The following THBS3 variants were observed in gnomAD, a reference collection of about 807,000 sequenced individuals.
THBS3 encodes the protein thrombospondin 3.
THBS3 carries 78 observed loss-of-function variants against 118.3 expected under a neutral mutation model. The ratio of observed to expected loss-of-function variants is 0.66; its 90% confidence interval spans 0.55 to 0.80. THBS3 has a LOEUF of 0.80. Among genes scored for constraint, THBS3 ranks in the 30% least tolerant of loss-of-function variants. The probability of loss-of-function intolerance (pLI) is 0.00; values close to 1 mark genes in which losing one functional copy is unlikely to be tolerated. For synonymous variants in THBS3, 427 were observed against 475.3 expected, an observed-to-expected ratio of 0.90 and a Z score of 1.32; for missense variants, 1,057 against 1,247.4, an observed-to-expected ratio of 0.85 and a Z score of 2.30.
intron 1 of THBS3, among the ~76,000 whole-genome samples, chr1:155,207,508 A>G (rs1021872483): frequency 6.6e-6 from 1 of 151,594 alleles, no homozygotes. Flanking sequence ...TAGGGTGCCT[A>G]CAGATGCTCA....
chr1:155,200,523 G>A lies in THBS3; in HGVS notation c.1636C>T (p.Pro546Ser). The A allele has an allele frequency of 6.2e-7, 1 of 1,614,102 alleles. No homozygotes were observed. Among genetic ancestry groups the A allele is most frequent in the South Asian group, 1.1e-5 (1 of 91,086 alleles). ...GDACDNCPNVPNNDQKDTDGN... is the reference protein window; with the variant it reads ...GDACDNCPNVSNNDQKDTDGN... ...TCTGTGTCCTTCTGGTCATTGTTGGGAACGTTGGGGCAATTGTCACAGGCA... is the reference window on the plus strand; with the variant it reads ...TCTGTGTCCTTCTGGTCATTGTTGGAAACGTTGGGGCAATTGTCACAGGCA... The change falls in exon 14 of 23, where the codon CCC becomes TCC. Residue 546 changes from proline (P) to serine (S), a missense_variant. Pro to Ser is a moderately conservative substitution (Grantham distance 74). Transcript: ENST00000368378.
chr1:155,204,188 G>A (rs1670212432), intron 4 of THBS3, among the ~76,000 whole-genome samples: 1 of 152,042 alleles, frequency 6.6e-6, no homozygotes, highest in South Asian at 2.1e-4. Context: ...GGGAAAGGTG[G>A]GTCTTTTATT....
Position 155,201,540 on chromosome 1 carries a change from C to T in THBS3, c.1206G>A (p.Leu402=), listed in dbSNP as rs372591301. The T allele has an allele frequency of 1.9e-5, 30 of 1,614,144 alleles. No individual in the cohort carries two copies. The African/African-American group carries it at 2.7e-4, about 14-fold the overall frequency. The change falls in exon 11 of 23, where the codon CTG becomes CTA. Residue 402 remains leucine (L), a synonymous_variant. Transcript: ENST00000368378. ...CCTGGCTCTGGTTGCCCAGGAAACC[C>T]AGGCGGCAGGGACCACACTTGAAAG... ...VGSFKCGPCR[L]GFLGNQSQGC...
chr1:155,197,286 C>CAGGTGGGAAAGGGATTCA lies in THBS3; in HGVS notation c.2500-91_2500-74dup. ...AGGGGAGACAACAGGTCGGTAAGTG[C>CAGGTGGGAAAGGGATTCA]AGGTGGGAAAGGGATTCAAGGCGGT... On this transcript the variant is annotated intron_variant, in intron 20 of 22. Transcript: ENST00000368378. The surrounding 1 kb of genome is among the most constrained non-coding windows in gnomAD (Gnocchi z 5.0). 1 of 1,577,524 alleles carries CAGGTGGGAAAGGGATTCA rather than the reference C, an allele frequency of 6.3e-7. No homozygotes were observed. Among genetic ancestry groups the CAGGTGGGAAAGGGATTCA allele is most frequent in the Admixed American group, 1.7e-5 (1 of 58,892 alleles).
chr1:155,208,993 T>C (rs1293359305), upstream of THBS3: 1 of 1,599,164 alleles, frequency 6.3e-7, no homozygotes, highest in Non-Finnish European at 8.5e-7. Context: ...GCCGTGACTC[T>C]CCGAGGCGCG....
chr1:155,197,958 G>C lies in THBS3; in HGVS notation c.2254-30C>G. ...GGTTGTATAGTAAAGAAAAAGCTGTGATGCAGGTGTGCTATCCCTCCCAGG... is the reference window on the plus strand; with the variant it reads ...GGTTGTATAGTAAAGAAAAAGCTGTCATGCAGGTGTGCTATCCCTCCCAGG... On this transcript the variant is annotated intron_variant, in intron 18 of 22. Coordinates refer to ENST00000368378, the MANE Select transcript of THBS3 (RefSeq NM_007112.5). The surrounding 1 kb of genome is among the most constrained non-coding windows in gnomAD (Gnocchi z 5.0). The C allele has an allele frequency of 6.2e-7, 1 of 1,614,144 alleles. No individual in the cohort carries two copies. Among genetic ancestry groups the C allele is most frequent in the Non-Finnish European group, 8.5e-7 (1 of 1,180,026 alleles).
chr1:155,201,439 C>T lies in THBS3; in HGVS notation c.1307G>A (p.Arg436His), dbSNP rs147720217. Residue 436 changes from arginine (R) to histidine (H), a missense_variant, in exon 11 of 23, where the codon CGC (arginine) becomes CAC (histidine). Arg to His is a conservative substitution (Grantham distance 29). Around this residue, in one of 3 missense-constraint regions of THBS3, gnomAD observed 544 missense variants for 715.6 expected, o/e 0.76. Transcript: ENST00000368378. ...CHIHAHCLFE[R>H]NGAVSCQCNV... ...CACCTGGCAGGACACTGCACCATTG[C>T]GTTCAAAGAGACAGTGAGCATGGAT... is the stretch of plus-strand genomic sequence containing the variant. 71 of 1,609,876 alleles carry T rather than the reference C, an allele frequency of 4.4e-5. No homozygotes were observed. Among genetic ancestry groups the T allele is most frequent in the Admixed American group, 2.4e-4 (14 of 59,516 alleles).
chr1:155,200,618 G>A lies in THBS3; in HGVS notation c.1549-8C>T. On this transcript the variant is annotated splice_region_variant and splice_polypyrimidine_tract_variant and intron_variant, in intron 13 of 22. Transcript: ENST00000368378. ...GAACAGCCGGCAGTTGTCCTGGGCA[G>A]AGGGGTGGGAGGGGAAGGGTCAGGT... The A allele has an allele frequency of 6.2e-7, 1 of 1,613,266 alleles. No individual in the cohort carries two copies. Among genetic ancestry groups the A allele is most frequent in the Non-Finnish European group, 8.5e-7 (1 of 1,179,410 alleles).
At chr1:155,199,069 G>A (rs888405851) in intron 16 of THBS3, among the ~76,000 whole-genome samples, 10 of 149,524 alleles carry the variant, frequency 6.7e-5, no homozygotes, top group Non-Finnish European at 1.5e-4. Context: ...GCAGTGAGCC[G>A]ATATCACTGC....
chr1:155,201,544 C>T lies in THBS3; in HGVS notation c.1202G>A (p.Arg401His), dbSNP rs751959993. 7.5e-5 allele frequency: 121 copies of T among 1,613,920 alleles called. No homozygotes were observed. The highest frequency in any genetic ancestry group is 1.1e-4 in the East Asian group (5 of 44,898). ...TVGSFKCGPC[R>H]LGFLGNQSQG... is the part of the protein sequence containing the mutation. ...GCTCTGGTTGCCCAGGAAACCCAGGCGGCAGGGACCACACTTGAAAGAGCC... is the reference window on the plus strand; with the variant it reads ...GCTCTGGTTGCCCAGGAAACCCAGGTGGCAGGGACCACACTTGAAAGAGCC... Residue 401 changes from arginine (R) to histidine (H), a missense_variant, in exon 11 of 23, where the codon CGC becomes CAC. Arg to His is a conservative substitution (Grantham distance 29, BLOSUM62 0). Coordinates refer to ENST00000368378, the MANE Select transcript of THBS3 (RefSeq NM_007112.5).
rs72704117 is a variant in THBS3 at position 155,205,298 on chromosome 1, C to T, written c.305G>A (p.Arg102Gln). The T allele has an allele frequency of 0.017, 27,780 of 1,613,934 alleles. 299 individuals carry two copies. Among genetic ancestry groups the T allele is most frequent in the Non-Finnish European group, 0.021 (25,193 of 1,179,994 alleles). ...KINKVLVRYQREDGKVHAVNL... is the reference protein window; with the variant it reads ...KINKVLVRYQQEDGKVHAVNL... Reference sequence around the variant, plus strand: ...CACGGCGTGGACTTTGCCATCCTCCCGCTGGTATCGCACCAGTACTGCCCA... The same window carrying T: ...CACGGCGTGGACTTTGCCATCCTCCTGCTGGTATCGCACCAGTACTGCCCA... The change falls in exon 3 of 23, where the codon CGG (arginine) becomes CAG (glutamine). Residue 102 changes from arginine to glutamine, a missense_variant. By Grantham distance (43) the Arg-to-Gln change is conservative (BLOSUM62 1). Around this residue, in one of 3 missense-constraint regions of THBS3, gnomAD observed 206 missense variants for 205.7 expected, o/e 1.00. Coordinates refer to ENST00000368378, the MANE Select transcript of THBS3 (RefSeq NM_007112.5).
chr1:155,204,407 T>C lies in THBS3; in HGVS notation c.646+448A>G, dbSNP rs1360391792. ...GTGTTTGAGACCAGCCTGGCCAACG[T>C]GGTGAAATCCCATCTCTACTAAAAA... is the stretch of plus-strand genomic sequence containing the variant. On this transcript the variant is annotated intron_variant, in intron 4 of 22. Coordinates refer to ENST00000368378, the MANE Select transcript of THBS3 (RefSeq NM_007112.5). Among the ~76,000 whole-genome samples, 7 of 151,886 alleles carry C rather than the reference T, an allele frequency of 4.6e-5. No homozygotes were observed. The East Asian group carries it at 7.8e-4, about 17-fold the overall frequency.
chr1:155,205,882 T>C (rs1319677482), intron 2 of THBS3, among the ~76,000 whole-genome samples: 1 of 152,208 alleles, frequency 6.6e-6, no homozygotes, highest in African/African-American at 2.4e-5. Context: ...ACTGACCTGT[T>C]CCAGGGATCT....
rs201862207 is a variant in THBS3 at position 155,205,105 on chromosome 1, A to C, written c.498T>G (p.Asp166Glu). ...ALAPIPPAEV[D>E]GLEIRTGQKA... Reference sequence around the variant, plus strand: ...TCTGTCCAGTCCTAATCTCCAGCCCATCGACCTCCGCTGGAGGAATGGGGG... The same window carrying C: ...TCTGTCCAGTCCTAATCTCCAGCCCCTCGACCTCCGCTGGAGGAATGGGGG... Residue 166 changes from aspartate to glutamate, a missense_variant, in exon 3 of 23, where the codon GAT becomes GAG. Asp to Glu is a conservative substitution (Grantham distance 45, BLOSUM62 2). Coordinates refer to ENST00000368378, the MANE Select transcript of THBS3 (RefSeq NM_007112.5). The C allele has an allele frequency of 6.2e-7, 1 of 1,613,964 alleles. No homozygotes were observed. Among genetic ancestry groups the C allele is most frequent in the Non-Finnish European group, 8.5e-7 (1 of 1,180,004 alleles).
In THBS3 at chr1:155,200,908, T is replaced by C; in HGVS notation, c.1537A>G (p.Lys513Glu). The change falls in exon 13 of 23, where the codon AAG becomes GAG. Residue 513 changes from lysine to glutamate, a missense_variant. By Grantham distance (56) the Lys-to-Glu change is moderately conservative. Around this residue, in one of 3 missense-constraint regions of THBS3, gnomAD observed 544 missense variants for 715.6 expected, o/e 0.76. Coordinates refer to ENST00000368378, the MANE Select transcript of THBS3 (RefSeq NM_007112.5). The stretch of plus-strand genomic sequence containing the variant: ...AGTCTGGGAGTCACCTCAACATTCT[T>C]GATCCCATCCCCATCAGCATCATCA... ...CDDDADGDGI[K>E]NVEDNCRLFP... The C allele has an allele frequency of 6.2e-7, 1 of 1,614,008 alleles. No individual in the cohort carries two copies. The highest frequency in any genetic ancestry group is 8.5e-7 in the Non-Finnish European group (1 of 1,179,982).
At position 155,206,617 on chromosome 1, in the gene THBS3, C is replaced by T. The variant is rs1359237723; in HGVS notation, c.80-211G>A. Reference sequence around the variant, plus strand: ...ATCGCCTAAGGTCAGGAGTTCGAGACCAGCCTGGCCAACACGGTGAAACCC... The same window carrying T: ...ATCGCCTAAGGTCAGGAGTTCGAGATCAGCCTGGCCAACACGGTGAAACCC... On this transcript the variant is annotated intron_variant, in intron 1 of 22. Transcript: ENST00000368378. This position sits in a 1 kb window ranked among gnomAD's most constrained non-coding sequence, Gnocchi z 4.2. Among the ~76,000 whole-genome samples the T allele has an allele frequency of 2.6e-5, 4 of 151,918 alleles. No homozygotes were observed. The highest frequency in any genetic ancestry group is 9.7e-5 in the African/African-American group (4 of 41,342).
At chr1:155,203,568 G>A in intron 4 of THBS3, 29 bp from the exon 5 acceptor site, 2 of 1,612,972 alleles carry the variant, frequency 1.2e-6, no homozygotes, top group Non-Finnish European at 1.7e-6. Context: ...CATAGTCAGA[G>A]GGGTGAGGTG....
At chr1:155,196,195 C>G in intron 21 of THBS3, 69 bp from the exon 22 acceptor site, 1 of 1,574,242 alleles carries the variant, frequency 6.4e-7, no homozygotes, top group South Asian at 1.1e-5. Flanking sequence ...GCCACCATGC[C>G]TGGGGCCTTG....
rs1447518928 is a variant in THBS3 at position 155,207,892 on chromosome 1, C to T, written c.-16G>A. On this transcript the variant is annotated 5_prime_UTR_variant, in exon 1 of 23. Transcript: ENST00000368378. The stretch of plus-strand genomic sequence containing the variant: ...GCGTCTCCATGCCTCTCAGCCGGCT[C>T]ACTACCCCTGGCAGGCAGGCAGCTG... 4 of 1,613,338 alleles carry T rather than the reference C, an allele frequency of 2.5e-6. No individual in the cohort carries two copies. The highest frequency in any genetic ancestry group is 3.4e-6 in the Non-Finnish European group (4 of 1,179,828).
Sources: gnomAD v4.1 joint callset for allele counts (sites outside exome capture counted in the v4.1 genomes callset) on GRCh38, gnomAD v4.1.1 for gene constraint, gnomAD v4.1.1 regional missense constraint, Gnocchi (gnomAD v3.1) non-coding constraint, MANE v1.5 for transcripts, NCBI Gene and HGNC (gene_info 2026-07-23, HGNC 2026-07-21) for gene names.